Variants in BRINP3 observed in about 807,000 individuals in gnomAD.
The protein encoded by BRINP3 is BMP/retinoic acid-inducible neural-specific protein 3.
BRINP3 carries 19 observed loss-of-function variants against 71.0 expected under a neutral mutation model. The ratio of observed to expected loss-of-function variants is 0.27; its 90% CI spans 0.19 to 0.39. The LOEUF is 0.39. Among genes scored for constraint, BRINP3 ranks in the 10% least tolerant of loss-of-function variants. The probability of loss-of-function intolerance (pLI) is 1.00; values close to 1 mark genes in which losing one functional copy is unlikely to be tolerated. For missense variants in BRINP3, 959 were observed against 940.8 expected (o/e 1.02, Z -0.25); for synonymous variants, 380 against 337.7 (o/e 1.13, Z -1.37).
intron 2 of BRINP3, among the ~76,000 whole-genome samples, chr1:190,327,758 AAAC>A (rs960450324): frequency 3.7e-4 from 57 of 152,210 alleles, no homozygotes; most frequent in African/African-American, 1.3e-3. Flanking sequence ...AAAACAAACA[AAAC>A]AATGTTTGCT....
chr1:190,145,028 T>C (rs1452206010), intron 7 of BRINP3, among the ~76,000 whole-genome samples: 3 of 152,178 alleles, frequency 2.0e-5, no homozygotes, highest in Admixed American at 2.0e-4. Flanking sequence ...ATGTCCTTTT[T>C]TTCTTTTCTG....
chr1:190,145,703 A>G (rs1571833295), intron 7 of BRINP3, among the ~76,000 whole-genome samples: 1 of 152,332 alleles, frequency 6.6e-6, no homozygotes, highest in African/African-American at 2.4e-5. Context: ...AAGTCATCAT[A>G]TGAAAAAGAC....
intron 5 of BRINP3, among the ~76,000 whole-genome samples, chr1:190,230,401 C>G (rs1285664102): frequency 2.0e-5 from 3 of 151,902 alleles, no homozygotes; most frequent in Non-Finnish European, 2.9e-5. Context: ...TGCTCATGAA[C>G]TACCTTAAAT....
At chr1:190,413,122 C>A (rs927923628) in intron 2 of BRINP3, among the ~76,000 whole-genome samples, 2 of 152,046 alleles carry the variant, frequency 1.3e-5, no homozygotes, top group Non-Finnish European at 2.9e-5. Flanking sequence ...CTTTTATAAA[C>A]CAAATCTATT....
rs1669535771 is a variant in BRINP3, at chr1:190,366,812, A to G, written c.237-85062T>C. 2.0e-5 allele frequency among the ~76,000 whole-genome samples: 3 copies of G among 152,202 alleles called. No homozygotes were observed. The South Asian group carries it at 6.2e-4, about 32-fold the overall frequency. On this transcript the variant is annotated intron_variant, in intron 2 of 7. Coordinates refer to ENST00000367462, the MANE Select transcript of BRINP3 (RefSeq NM_199051.3). ...AAATATAATAGTGCAGTCATTAAAC[A>G]TTAAATTTCCAAAATGATTTCCTTT...
intron 2 of BRINP3, among the ~76,000 whole-genome samples, chr1:190,380,613 A>G (rs1389498924): frequency 1.4e-4 from 22 of 152,162 alleles, no homozygotes; most frequent in Non-Finnish European, 3.1e-4. Flanking sequence ...GAAACATTGA[A>G]ATGAAGGACA....
intron 2 of BRINP3, among the ~76,000 whole-genome samples, chr1:190,446,579 C>T (rs531703435): frequency 4.6e-5 from 7 of 152,098 alleles, no homozygotes; most frequent in African/African-American, 9.6e-5. Context: ...AGATAAATGC[C>T]GATATAAGAA....
At chr1:190,467,158 A>G (rs1300711315) in intron 1 of BRINP3, among the ~76,000 whole-genome samples, 2 of 151,608 alleles carry the variant, frequency 1.3e-5, no homozygotes, top group Admixed American at 6.6e-5. Context: ...AGAGAGTTAT[A>G]TTTACAGTAT....
intron 2 of BRINP3, among the ~76,000 whole-genome samples, chr1:190,448,154 T>C (rs12040733): frequency 0.21 from 32,303 of 151,638 alleles, 3,535 homozygotes; most frequent in African/African-American, 0.24. Context: ...TATGTAGTAC[T>C]ATTAAAACTG....
intron 7 of BRINP3, among the ~76,000 whole-genome samples, chr1:190,140,451 C>A (rs1488131546): frequency 6.6e-6 from 1 of 151,960 alleles, no homozygotes; most frequent in Non-Finnish European, 1.5e-5. Flanking sequence ...GTTTACTTAA[C>A]CACACTGTAT....
At chr1:190,301,198 C>CACAT (rs1195574325) in intron 2 of BRINP3, among the ~76,000 whole-genome samples, 2 of 26,720 alleles carry the variant, frequency 7.5e-5, no homozygotes, top group Non-Finnish European at 2.0e-4. Context: ...TATATATATA[C>CACAT]ACATACATAT....
At chr1:190,391,148 G>T (rs1390714747) in intron 2 of BRINP3, among the ~76,000 whole-genome samples, 2 of 151,662 alleles carry the variant, frequency 1.3e-5, no homozygotes, top group Non-Finnish European at 2.9e-5. Flanking sequence ...GGATCTGTGG[G>T]ATCTGGGGGA....
At chr1:190,126,246 T>C (rs941944282) in intron 7 of BRINP3, among the ~76,000 whole-genome samples, 2 of 152,006 alleles carry the variant, frequency 1.3e-5, no homozygotes, top group African/African-American at 4.8e-5. Context: ...TCATTAAAAG[T>C]AAATTTAACA....
chr1:190,418,995 G>A (rs1673185602), intron 2 of BRINP3, among the ~76,000 whole-genome samples: 1 of 151,868 alleles, frequency 6.6e-6, no homozygotes, highest in Admixed American at 6.6e-5. Context: ...TTGTGTTTCT[G>A]ATACTAAATG....
At chr1:190,152,504 A>G (rs1216812556) in intron 7 of BRINP3, among the ~76,000 whole-genome samples, 2 of 150,408 alleles carry the variant, frequency 1.3e-5, no homozygotes, top group African/African-American at 2.4e-5. Flanking sequence ...ATATATATAT[A>G]TATATATCGC....
In BRINP3 at chr1:190,247,441, T is replaced by C. The variant is rs187005998; in HGVS notation, c.619-12964A>G. Among the ~76,000 whole-genome samples the C allele has an allele frequency of 2.9e-3, 448 of 152,130 alleles. 2 individuals are homozygous for C. Among genetic ancestry groups the C allele is most frequent in the Non-Finnish European group, 5.2e-3 (353 of 67,956 alleles). On this transcript the variant is annotated intron_variant, in intron 4 of 7. Coordinates refer to ENST00000367462, the MANE Select transcript of BRINP3 (RefSeq NM_199051.3). ...TATCAGAAATGGTGCATTTTGTCTA[T>C]GCTGATGGATGAATAACTGCACAGA...
intron 7 of BRINP3, among the ~76,000 whole-genome samples, chr1:190,124,300 CCCT>C (rs1306023214): frequency 3.3e-5 from 5 of 152,106 alleles, no homozygotes; most frequent in Non-Finnish European, 7.4e-5. Context: ...AACAAGGCGG[CCCT>C]CACCAGATGG....
In BRINP3 at chr1:190,098,523, G is replaced by T; in HGVS notation, c.1796C>A (p.Thr599Asn). The change falls in exon 8 of 8, where the codon ACT becomes AAT. Residue 599 changes from threonine (T) to asparagine (N), a missense_variant. Thr to Asn is a moderately conservative substitution (Grantham distance 65). Coordinates refer to ENST00000367462, the MANE Select transcript of BRINP3 (RefSeq NM_199051.3). ...ACACTGCAGGGGTAGGTCCAACTTA[G>T]TCCGCTCCCAGTCTGGAAAGCTGTT... ...NENSFPDWERTKLDLPLQCYN... is the reference protein window; with the variant it reads ...NENSFPDWERNKLDLPLQCYN... 2 of 1,614,128 alleles carry T rather than the reference G, an allele frequency of 1.2e-6. No homozygotes were observed. The highest frequency in any genetic ancestry group is 2.2e-5 in the South Asian group (2 of 91,078).
At chr1:190,318,164 C>T (rs1666012527) in intron 2 of BRINP3, among the ~76,000 whole-genome samples, 1 of 152,086 alleles carries the variant, frequency 6.6e-6, no homozygotes, top group Non-Finnish European at 1.5e-5. Context: ...AACTACCTTA[C>T]ATTTCAGGTT....
Sources: allele counts gnomAD v4.1 joint callset (sites outside exome capture counted in the v4.1 genomes callset), GRCh38; gene constraint gnomAD v4.1.1; transcripts MANE v1.5; gene names NCBI Gene and HGNC (gene_info 2026-07-23, HGNC 2026-07-21).